Variants in SEMA3A observed in about 807,000 individuals in gnomAD.
SEMA3A encodes the protein semaphorin-3A.
A neutral mutation model predicts 97.9 loss-of-function variants in SEMA3A; 29 were observed. That is an observed-to-expected ratio of 0.30 (90% confidence interval 0.22 to 0.40). SEMA3A has a LOEUF of 0.40. Ranked by LOEUF, SEMA3A falls within the 10% of genes least tolerant of loss-of-function variation. The pLI is 1.00. For missense variants in SEMA3A, 763 were observed against 951.3 expected, an observed-to-expected ratio of 0.80 and a Z score of 2.60; for synonymous variants, 321 against 323.7, an observed-to-expected ratio of 0.99 and a Z score of 0.09.
chr7:84,488,333 CA>C (rs1366580551), intron 1 of SEMA3A, among the ~76,000 whole-genome samples: 1 of 151,598 alleles, frequency 6.6e-6, no homozygotes, highest in African/African-American at 2.4e-5. Context: ...CACACACACA[CA>C]CACACACACA....
chr7:84,237,250 A>C (rs1268434238), intron 3 of SEMA3A, among the ~76,000 whole-genome samples: 8 of 152,168 alleles, frequency 5.3e-5, no homozygotes, highest in Admixed American at 5.2e-4. Flanking sequence ...CTGAGCACCA[A>C]TTTCTTAGCA....
intron 3 of SEMA3A, among the ~76,000 whole-genome samples, chr7:84,114,752 T>C (rs1263497029): frequency 2.0e-5 from 3 of 152,100 alleles, no homozygotes; most frequent in East Asian, 1.9e-4. Context: ...TCCACACTTA[T>C]CTGGCAATAA....
intron 4 of SEMA3A, among the ~76,000 whole-genome samples, chr7:84,095,577 T>C (rs1794749841): frequency 6.6e-6 from 1 of 150,980 alleles, no homozygotes. Flanking sequence ...ATGTCTTATG[T>C]CAACTAGTCT....
At chr7:84,390,830 C>A (rs1406926828) in intron 1 of SEMA3A, among the ~76,000 whole-genome samples, 2 of 152,086 alleles carry the variant, frequency 1.3e-5, no homozygotes, top group Non-Finnish European at 2.9e-5. Flanking sequence ...AGAGGCTGAA[C>A]TGCTGGTGAA....
chr7:84,102,665 C>T (rs1052761294), intron 4 of SEMA3A, among the ~76,000 whole-genome samples: 5 of 141,402 alleles, frequency 3.5e-5, no homozygotes, highest in African/African-American at 7.6e-5. Flanking sequence ...ACTGCAACCT[C>T]GGCCTCCCGG....
At chr7:84,080,301 A>G (rs1250783357) in intron 4 of SEMA3A, among the ~76,000 whole-genome samples, 1 of 151,618 alleles carries the variant, frequency 6.6e-6, no homozygotes, top group Non-Finnish European at 1.5e-5. Flanking sequence ...ATGTATACAT[A>G]TGTAACAAAC....
chr7:84,396,831 C>T (rs912042351), intron 1 of SEMA3A, among the ~76,000 whole-genome samples: 2 of 151,964 alleles, frequency 1.3e-5, no homozygotes, highest in Non-Finnish European at 2.9e-5. Flanking sequence ...CTCTCATCCT[C>T]AGTTTCCTTA....
intron 3 of SEMA3A, among the ~76,000 whole-genome samples, chr7:84,221,613 T>C (rs868821760): frequency 4.6e-5 from 7 of 152,050 alleles, no homozygotes; most frequent in Non-Finnish European, 1.5e-5. Flanking sequence ...ACTGAAATTA[T>C]TGTTCTAAAA....
intron 7 of SEMA3A, 28 bp from the exon 8 acceptor site, chr7:84,011,325 C>A (rs1280401501): frequency 1.5e-6 from 2 of 1,332,548 alleles, no homozygotes; most frequent in Admixed American, 1.7e-5. Context: ...CAGTGTTAGG[C>A]ACTGTTAATG....
intron 3 of SEMA3A, among the ~76,000 whole-genome samples, chr7:84,271,463 C>T (rs1056681708): frequency 2.0e-5 from 3 of 152,124 alleles, no homozygotes; most frequent in Non-Finnish European, 4.4e-5. Context: ...TAGCCTCCCT[C>T]AGGTCACTAT....
intron 1 of SEMA3A, among the ~76,000 whole-genome samples, chr7:84,395,155 G>A (rs1803691939): frequency 6.6e-6 from 1 of 151,996 alleles, no homozygotes; most frequent in African/African-American, 2.4e-5. Flanking sequence ...ATTGTATGAG[G>A]AGGAAAAAAT....
intron 4 of SEMA3A, among the ~76,000 whole-genome samples, chr7:84,094,756 A>G (rs1794704575): frequency 6.6e-6 from 1 of 152,106 alleles, no homozygotes; most frequent in Non-Finnish European, 1.5e-5. Flanking sequence ...AAGTACATCA[A>G]ATTTATTAAT....
At chr7:84,140,683 G>A (rs1426411315) in intron 1 of SEMA3A, among the ~76,000 whole-genome samples, 1 of 152,022 alleles carries the variant, frequency 6.6e-6, no homozygotes, top group Non-Finnish European at 1.5e-5. Flanking sequence ...TGTAAATATT[G>A]GAAAGTTCAG....
intron 2 of SEMA3A, among the ~76,000 whole-genome samples, chr7:84,313,356 G>GTATATATATATA (rs869145201): frequency 4.3e-5 from 1 of 23,054 alleles, no homozygotes; most frequent in Non-Finnish European, 1.0e-4. Flanking sequence ...ATGTGTGTGT[G>GTATATATATATA]TATATATATA....
At chr7:84,054,337 C>T (rs1792843125) in intron 5 of SEMA3A, among the ~76,000 whole-genome samples, 2 of 152,162 alleles carry the variant, frequency 1.3e-5, no homozygotes, top group African/African-American at 4.8e-5. Flanking sequence ...CTCCCCGTCA[C>T]TTTCAGGTAC....
intron 2 of SEMA3A, among the ~76,000 whole-genome samples, chr7:84,352,267 A>T (rs917010572): frequency 6.6e-6 from 1 of 152,004 alleles, no homozygotes; most frequent in Non-Finnish European, 1.5e-5. Context: ...GGGATGGTTA[A>T]TTGGTACACA....
chr7:84,174,167 C>G (rs113693416), intron 1 of SEMA3A, among the ~76,000 whole-genome samples: 4 of 151,834 alleles, frequency 2.6e-5, no homozygotes, highest in African/African-American at 9.7e-5. Flanking sequence ...AAAAGGTGCA[C>G]AGTAAATGTA....
intron 3 of SEMA3A, among the ~76,000 whole-genome samples, chr7:84,247,122 T>C (rs1033142912): frequency 6.6e-6 from 1 of 152,076 alleles, no homozygotes; most frequent in Admixed American, 6.6e-5. Flanking sequence ...CCAAGAAGAA[T>C]TATGAGAAGG....
intron 3 of SEMA3A, among the ~76,000 whole-genome samples, chr7:84,261,027 C>T (rs908716896): frequency 6.6e-6 from 1 of 152,110 alleles, no homozygotes; most frequent in Non-Finnish European, 1.5e-5. Context: ...AGCCCATAAA[C>T]CCCCCAGATT....
Sources: gnomAD v4.1 joint callset for allele counts (sites outside exome capture counted in the v4.1 genomes callset) on GRCh38, gnomAD v4.1.1 for gene constraint, MANE v1.5 for transcripts, NCBI Gene and HGNC (gene_info 2026-07-23, HGNC 2026-07-21) for gene names.